The following LMLN variants were observed in gnomAD, a reference collection of about 807,000 sequenced individuals.
The protein encoded by LMLN is leishmanolysin like peptidase.
A neutral mutation model predicts 92.3 loss-of-function variants in LMLN; 70 were observed. That is an observed-to-expected ratio of 0.76 (90% confidence interval 0.63 to 0.92). The LOEUF (loss-of-function observed/expected upper bound fraction) is 0.92, where lower values mean the gene tolerates loss of function less well. Ranked by LOEUF, LMLN falls within the 40% of genes least tolerant of loss-of-function variation. The probability of loss-of-function intolerance (pLI) is 0.00; values close to 1 mark genes in which losing one functional copy is unlikely to be tolerated. For missense variants in LMLN, 691 were observed against 814.6 expected (o/e 0.85, Z 1.85); for synonymous variants, 308 against 296.2 (o/e 1.04, Z -0.41).
intron 1 of LMLN, among the ~76,000 whole-genome samples, chr3:197,971,850 A>T (rs192566756): frequency 6.6e-6 from 1 of 151,520 alleles, no homozygotes; most frequent in East Asian, 1.9e-4. Flanking sequence ...ATTTCTTTCA[A>T]ATATATATTC....
exon 16 of LMLN, chr3:198,041,862 C>T (rs1007512412): frequency 6.6e-6 from 1 of 151,886 alleles, no homozygotes. Context: ...GTAGTGGCAC[C>T]GTTTAGGTAG....
intron 8 of LMLN, among the ~76,000 whole-genome samples, chr3:197,987,083 G>T (rs1721730630): frequency 6.6e-6 from 1 of 150,946 alleles, no homozygotes; most frequent in Non-Finnish European, 1.5e-5. Flanking sequence ...CAGGTGATCT[G>T]CCCGCCTCGG....
At chr3:198,022,107 G>C (rs1477320457) in intron 13 of LMLN, among the ~76,000 whole-genome samples, 1 of 152,190 alleles carries the variant, frequency 6.6e-6, no homozygotes, top group African/African-American at 2.4e-5. Context: ...AAATACCTCA[G>C]ATAAGCTGCT....
At chr3:197,988,745 G>C (rs943949052) in intron 8 of LMLN, among the ~76,000 whole-genome samples, 4 of 151,958 alleles carry the variant, frequency 2.6e-5, no homozygotes, top group African/African-American at 9.7e-5. Flanking sequence ...GCTGTGGCGC[G>C]ATCTCGGCTC....
chr3:197,975,004 G>A, intron 2 of LMLN, 38 bp from the exon 3 acceptor site: 1 of 1,371,738 alleles, frequency 7.3e-7, no homozygotes, highest in Non-Finnish European at 1.0e-6. Flanking sequence ...CTATGCCTCT[G>A]AGAGATAATC....
intron 11 of LMLN, among the ~76,000 whole-genome samples, chr3:198,016,824 T>G (rs955481188): frequency 1.3e-5 from 2 of 151,216 alleles, no homozygotes; most frequent in East Asian, 3.9e-4. Flanking sequence ...GTCAGCAAGG[T>G]TTTTTTTTGA....
At chr3:198,013,887 A>C (rs1452345861) in intron 11 of LMLN, among the ~76,000 whole-genome samples, 2 of 139,978 alleles carry the variant, frequency 1.4e-5, no homozygotes, top group East Asian at 4.1e-4. Context: ...AGAGCCCCCT[A>C]ACTAGTCTGA....
rs530198112 is a variant in LMLN at position 198,025,537 on chromosome 3, G to A, written c.1656+749G>A. Reference sequence around the variant, plus strand: ...CAGTGTGCACCACACACCCGACTAAGTGTTTGATTTTTTGTAGAGAAGAGG... The same window carrying A: ...CAGTGTGCACCACACACCCGACTAAATGTTTGATTTTTTGTAGAGAAGAGG... On this transcript the variant is annotated intron_variant, in intron 14 of 15. Transcript: ENST00000330198. The surrounding 1 kb of genome is among the most constrained non-coding windows in gnomAD (Gnocchi z 4.3). Among the ~76,000 whole-genome samples, 1 of 152,158 alleles carries A rather than the reference G, an allele frequency of 6.6e-6. No homozygotes were observed. Among genetic ancestry groups the A allele is most frequent in the South Asian group, 2.1e-4 (1 of 4,822 alleles).
At chr3:197,963,594 A>G (rs1720968186) in intron 1 of LMLN, among the ~76,000 whole-genome samples, 1 of 152,212 alleles carries the variant, frequency 6.6e-6, no homozygotes, top group Admixed American at 6.5e-5. Flanking sequence ...TGCTGCTAGT[A>G]TGTAAAAATA....
At chr3:197,991,202 A>C (rs1721857644) in intron 9 of LMLN, among the ~76,000 whole-genome samples, 1 of 149,976 alleles carries the variant, frequency 6.7e-6, no homozygotes, top group Admixed American at 6.7e-5. Flanking sequence ...CTCCTGCGCC[A>C]AAGTGATCCT....
rs1245915147 is a variant in LMLN at position 198,036,016 on chromosome 3, A to ACT, written c.1841_1842dup (p.Asn615LeufsTer3). 6.2e-7 allele frequency: 1 copy of ACT among 1,613,768 alleles called. No individual in the cohort carries two copies. The highest frequency in any genetic ancestry group is 1.1e-5 in the South Asian group (1 of 91,056). ...TCCTCCAGAAACAGATCCTCCAGCC[A>ACT]CTAACCTGACCCGAGCTCTGCCACT... is the stretch of plus-strand genomic sequence containing the variant. On this transcript the variant is annotated frameshift_variant, in exon 15 of 16. Coordinates refer to ENST00000330198, the Ensembl canonical transcript of LMLN. LOFTEE classifies it high-confidence loss of function.
At chr3:197,989,476 T>G (rs1581148400) in intron 8 of LMLN, among the ~76,000 whole-genome samples, 1 of 152,244 alleles carries the variant, frequency 6.6e-6, no homozygotes, top group African/African-American at 2.4e-5. Flanking sequence ...GCACAGTTGT[T>G]AGATAAATTC....
At chr3:197,985,870 C>A in exon 8 of LMLN, 1 of 1,608,634 alleles carries the variant, frequency 6.2e-7, no homozygotes, top group Non-Finnish European at 8.5e-7. Context: ...TTGCAGATGG[C>A]CTCCCACCTT....
At chr3:198,023,131 A>C (rs1425436666) in intron 13 of LMLN, among the ~76,000 whole-genome samples, 1 of 152,134 alleles carries the variant, frequency 6.6e-6, no homozygotes, top group Non-Finnish European at 1.5e-5. Context: ...ATGTACGTGA[A>C]TGAATGTGCC....
At chr3:198,020,444 T>C (rs1398069305) in intron 12 of LMLN, among the ~76,000 whole-genome samples, 1 of 152,230 alleles carries the variant, frequency 6.6e-6, no homozygotes, top group African/African-American at 2.4e-5. Flanking sequence ...TACACATATT[T>C]GTGAGCTCAC....
rs201882002 is a variant in LMLN, at chr3:198,038,539, A to G, written c.1868-28A>G. 1,265 of 1,503,786 alleles carry G rather than the reference A, an allele frequency of 8.4e-4. 5 individuals are homozygous for G. Among genetic ancestry groups the G allele is most frequent in the South Asian group, 1.3e-3 (117 of 88,858 alleles). The allele number at this position is 1,503,786 out of a possible 1,614,324, so 93.2% of individuals were successfully genotyped here. On this transcript the variant is annotated intron_variant, in intron 15 of 15. Coordinates refer to ENST00000330198, the Ensembl canonical transcript of LMLN. ...TGATTTATCCCAAAATTGTTTATAGAAAGTCAGTTTTTTGTTTTCAACTCT... is the reference window on the plus strand; with the variant it reads ...TGATTTATCCCAAAATTGTTTATAGGAAGTCAGTTTTTTGTTTTCAACTCT...
chr3:197,999,982 A>G lies in LMLN; in HGVS notation c.1232+640A>G, dbSNP rs1335980278. Among the ~76,000 whole-genome samples, 3 of 152,380 alleles carry G rather than the reference A, an allele frequency of 2.0e-5. No homozygotes were observed. In the South Asian group the frequency reaches 6.2e-4, roughly 32 times the overall value. ...TAAACAATGTTTAAATTATGAAGGA[A>G]AGACTAAACAATTTTTAAATGACTG... On this transcript the variant is annotated intron_variant, in intron 11 of 15. Coordinates refer to ENST00000330198, the Ensembl canonical transcript of LMLN.
rs1186810015 is a variant in LMLN, at chr3:197,962,139, C to T, written c.219+1699C>T. 3.3e-5 allele frequency among the ~76,000 whole-genome samples: 5 copies of T among 152,082 alleles called. No individual in the cohort carries two copies. In the East Asian group the frequency reaches 9.6e-4, roughly 29 times the overall value. ...TTCCCTCCTGTCCTGTGCCAGTCTC[C>T]TGCCCACCCCAGGCAACTAGTTTTC... is the stretch of plus-strand genomic sequence containing the variant. On this transcript the variant is annotated intron_variant, in intron 1 of 15. Coordinates refer to ENST00000330198, the Ensembl canonical transcript of LMLN.
intron 11 of LMLN, among the ~76,000 whole-genome samples, chr3:198,014,424 C>G: frequency 1.1e-5 from 1 of 90,082 alleles, no homozygotes; most frequent in Admixed American, 1.0e-4. Context: ...GACTTCTCTC[C>G]ACCCTTCAGA....
Sources: allele counts gnomAD v4.1 joint callset (sites outside exome capture counted in the v4.1 genomes callset), GRCh38; gene constraint gnomAD v4.1.1; non-coding constraint Gnocchi (gnomAD v3.1); transcripts MANE v1.5; gene names NCBI Gene and HGNC (gene_info 2026-07-23, HGNC 2026-07-21).